ZHX2: variants seen among roughly 807,000 people sequenced by gnomAD.
The protein encoded by ZHX2 is zinc fingers and homeoboxes protein 2.
A neutral mutation model predicts 21.9 loss-of-function variants in ZHX2; 6 were observed. That is an observed-to-expected ratio of 0.27 (90% CI 0.15 to 0.54). The LOEUF (loss-of-function observed/expected upper bound fraction) is 0.54. ZHX2 is among the 20% of genes least tolerant of loss of function. The pLI is 0.95. For synonymous variants in ZHX2, 434 were observed against 437.1 expected, an observed-to-expected ratio of 0.99 and a Z score of 0.09; for missense variants, 908 against 1,090.7, an observed-to-expected ratio of 0.83 and a Z score of 2.36.
At chr8:122,875,118 G>A (rs1819530868) in intron 2 of ZHX2, among the ~76,000 whole-genome samples, 1 of 83,332 alleles carries the variant, frequency 1.2e-5, no homozygotes, top group Admixed American at 1.6e-4. Flanking sequence ...TTTAGAGGAA[G>A]GAAAACTCTG....
chr8:122,873,851 C>T (rs992124829), intron 2 of ZHX2, among the ~76,000 whole-genome samples: 2 of 152,148 alleles, frequency 1.3e-5, no homozygotes, highest in African/African-American at 4.8e-5. Context: ...AGCTCAGGGC[C>T]CCCTTCCATC....
intron 2 of ZHX2, among the ~76,000 whole-genome samples, chr8:122,895,174 C>T (rs1428487449): frequency 6.6e-6 from 1 of 152,172 alleles, no homozygotes; most frequent in Non-Finnish European, 1.5e-5. Flanking sequence ...TCCTCTTGCT[C>T]TCTCCCTTCT....
At chr8:122,816,868 A>G (rs1028794370) in intron 1 of ZHX2, among the ~76,000 whole-genome samples, 1 of 152,188 alleles carries the variant, frequency 6.6e-6, no homozygotes, top group African/African-American at 2.4e-5. Flanking sequence ...ATGGCTTAAC[A>G]CATTAGGAGT....
At chr8:122,956,730 C>T (rs370599049) in intron 3 of ZHX2, among the ~76,000 whole-genome samples, 19 of 152,152 alleles carry the variant, frequency 1.2e-4, no homozygotes, top group Non-Finnish European at 2.8e-4. Context: ...CTATTCTGAA[C>T]GAGTTATGTT....
chr8:122,913,212 T>C (rs1408143403), intron 2 of ZHX2, among the ~76,000 whole-genome samples: 1 of 152,272 alleles, frequency 6.6e-6, no homozygotes, highest in Non-Finnish European at 1.5e-5. Context: ...AATACTTCAT[T>C]CTTTTTTGAT....
At chr8:122,811,273 A>G (rs1354377388) in intron 1 of ZHX2, among the ~76,000 whole-genome samples, 2 of 152,036 alleles carry the variant, frequency 1.3e-5, no homozygotes, top group Non-Finnish European at 2.9e-5. Context: ...CCCAGCTACT[A>G]GGGAGGCTGA....
chr8:122,783,489 C>CCA (rs149493878), intron 1 of ZHX2, among the ~76,000 whole-genome samples: 2,990 of 151,620 alleles, frequency 0.02, 100 homozygotes, highest in African/African-American at 0.068. Flanking sequence ...CCTCTTAAAA[C>CCA]CACACACACA....
intron 2 of ZHX2, among the ~76,000 whole-genome samples, chr8:122,863,950 G>T (rs975542606): frequency 1.3e-5 from 2 of 152,076 alleles, no homozygotes; most frequent in Non-Finnish European, 2.9e-5. Context: ...CTAAAGTGAG[G>T]CAGGAAAGCC....
At chr8:122,903,582 G>C (rs1317160123) in intron 2 of ZHX2, among the ~76,000 whole-genome samples, 2 of 152,164 alleles carry the variant, frequency 1.3e-5, no homozygotes, top group Non-Finnish European at 2.9e-5. Flanking sequence ...CAAATGAAAG[G>C]GACCTCTGGG....
chr8:122,835,408 G>A (rs902841316), intron 1 of ZHX2, among the ~76,000 whole-genome samples: 4 of 152,208 alleles, frequency 2.6e-5, no homozygotes, highest in Admixed American at 2.6e-4. Context: ...GAGGATAGGG[G>A]CGTAAGGTGG....
At chr8:122,827,057 C>T (rs756928349) in intron 1 of ZHX2, among the ~76,000 whole-genome samples, 11 of 152,100 alleles carry the variant, frequency 7.2e-5, no homozygotes, top group Admixed American at 1.3e-4. Flanking sequence ...GGCAGGATCT[C>T]GCTCCCAGGC....
At chr8:122,853,268 G>C (rs187326391) in intron 1 of ZHX2, among the ~76,000 whole-genome samples, 24 of 152,210 alleles carry the variant, frequency 1.6e-4, no homozygotes, top group Non-Finnish European at 3.1e-4. Flanking sequence ...GAATTTTTCT[G>C]GGGGCTTTTC....
chr8:122,936,822 A>C (rs1812710633), intron 2 of ZHX2, among the ~76,000 whole-genome samples: 1 of 152,190 alleles, frequency 6.6e-6, no homozygotes, highest in South Asian at 2.1e-4. Context: ...CTTGGCTTCT[A>C]TCCAGTGCCC....
chr8:122,829,048 G>T (rs1257016331), intron 1 of ZHX2, among the ~76,000 whole-genome samples: 1 of 152,170 alleles, frequency 6.6e-6, no homozygotes, highest in Non-Finnish European at 1.5e-5. Flanking sequence ...AGGTTATGAA[G>T]ACTCTGTAAT....
At chr8:122,942,867 G>C (rs956824141) in intron 2 of ZHX2, among the ~76,000 whole-genome samples, 2 of 152,206 alleles carry the variant, frequency 1.3e-5, no homozygotes, top group African/African-American at 4.8e-5. Context: ...AAAGAACAAA[G>C]GATGCAGAGG....
At chr8:122,936,326 G>A (rs150913433) in intron 2 of ZHX2, among the ~76,000 whole-genome samples, 16 of 152,266 alleles carry the variant, frequency 1.1e-4, no homozygotes, top group African/African-American at 3.8e-4. Context: ...AGCAATCTGC[G>A]GCTAAAAATA....
chr8:122,876,219 C>G (rs1221176050), intron 2 of ZHX2, among the ~76,000 whole-genome samples: 2 of 147,266 alleles, frequency 1.4e-5, no homozygotes, highest in Non-Finnish European at 3.0e-5. Flanking sequence ...ACACTGACAA[C>G]TGGGGCAAAC....
At chr8:122,930,715 C>A (rs1249209005) in intron 2 of ZHX2, among the ~76,000 whole-genome samples, 3 of 151,710 alleles carry the variant, frequency 2.0e-5, no homozygotes, top group African/African-American at 7.3e-5. Context: ...GCCTCGAACT[C>A]CTGACCTCAG....
At chr8:122,862,164 A>G (rs867544275) in intron 1 of ZHX2, among the ~76,000 whole-genome samples, 1 of 151,696 alleles carries the variant, frequency 6.6e-6, no homozygotes, top group Non-Finnish European at 1.5e-5. Context: ...CACTTCCAGG[A>G]CTCCAGTCAC....
Sources: gnomAD v4.1 joint callset for allele counts (sites outside exome capture counted in the v4.1 genomes callset) on GRCh38, gnomAD v4.1.1 for gene constraint, MANE v1.5 for transcripts, NCBI Gene and HGNC (gene_info 2026-07-23, HGNC 2026-07-21) for gene names.